SCRN1: variants seen among roughly 807,000 people sequenced by gnomAD.
SCRN1 encodes secernin 1, also known as secernin-1.
SCRN1 carries 19 observed loss-of-function variants against 43.3 expected under a neutral mutation model. That is an observed-to-expected ratio of 0.44 (90% confidence interval 0.31 to 0.64). The LOEUF (loss-of-function observed/expected upper bound fraction) is 0.64. SCRN1 is among the 30% of genes least tolerant of loss of function. The pLI is 0.09. For missense variants in SCRN1, 447 were observed against 524.1 expected (o/e 0.85, Z 1.44); for synonymous variants, 183 against 188.9 (o/e 0.97, Z 0.26).
intron 6 of SCRN1, among the ~76,000 whole-genome samples, chr7:29,927,497 T>C (rs78816914): frequency 0.023 from 3,443 of 151,378 alleles, 54 homozygotes; most frequent in East Asian, 0.069. Context: ...CCTCCCCACA[T>C]CCAGAGGAAA....
chr7:29,938,452 T>G (rs1787416117), intron 5 of SCRN1, among the ~76,000 whole-genome samples: 1 of 152,244 alleles, frequency 6.6e-6, no homozygotes, highest in African/African-American at 2.4e-5. Context: ...GGCCATAAAC[T>G]GGCCCCAAAA....
At chr7:29,969,391 A>G (rs1169368011) in intron 1 of SCRN1, 2 of 353,842 alleles carry the variant, frequency 5.7e-6, no homozygotes, top group Non-Finnish European at 5.3e-6. Context: ...GACACACACC[A>G]CACATACACA....
chr7:29,978,845 C>T (rs1788909724), intron 1 of SCRN1, among the ~76,000 whole-genome samples: 1 of 152,172 alleles, frequency 6.6e-6, no homozygotes, highest in African/African-American at 2.4e-5. Context: ...TTGCAAGATA[C>T]AGTCATAATG....
At chr7:29,978,928 A>G (rs1009169680) in intron 1 of SCRN1, among the ~76,000 whole-genome samples, 1 of 152,276 alleles carries the variant, frequency 6.6e-6, no homozygotes, top group African/African-American at 2.4e-5. Flanking sequence ...CTAGGGAAAT[A>G]TAGAGTTCAA....
intron 3 of SCRN1, among the ~76,000 whole-genome samples, chr7:29,953,134 C>A (rs980308025): frequency 6.6e-6 from 1 of 152,230 alleles, no homozygotes; most frequent in African/African-American, 2.4e-5. Flanking sequence ...GAACATCCCG[C>A]AGTGTTTGCT....
chr7:29,924,389 A>T (rs1786872550), intron 7 of SCRN1, among the ~76,000 whole-genome samples: 1 of 152,088 alleles, frequency 6.6e-6, no homozygotes, highest in Non-Finnish European at 1.5e-5. Context: ...GACATCCAAG[A>T]CCACTTCCCC....
chr7:29,934,652 G>A (rs1234619297), intron 6 of SCRN1, among the ~76,000 whole-genome samples: 1 of 152,158 alleles, frequency 6.6e-6, no homozygotes, highest in Non-Finnish European at 1.5e-5. Context: ...CAAATCTGGT[G>A]GGACAAAAAG....
chr7:29,937,049 AAAAC>A (rs199526270), intron 5 of SCRN1, among the ~76,000 whole-genome samples: 3,293 of 152,306 alleles, frequency 0.022, 50 homozygotes, highest in East Asian at 0.068. Context: ...CTGTCTCAAA[AAAAC>A]AAACAAACAA....
intron 6 of SCRN1, among the ~76,000 whole-genome samples, chr7:29,932,989 G>C (rs1260358891): frequency 6.6e-6 from 1 of 152,002 alleles, no homozygotes; most frequent in Non-Finnish European, 1.5e-5. Context: ...TGATTCTCCT[G>C]CCTCAGCCTC....
At chr7:29,945,884 C>T (rs1198063955) in intron 3 of SCRN1, among the ~76,000 whole-genome samples, 1 of 152,146 alleles carries the variant, frequency 6.6e-6, no homozygotes, top group African/African-American at 2.4e-5. Context: ...GTCTTAGAAC[C>T]TGGGCAATGG....
intron 6 of SCRN1, among the ~76,000 whole-genome samples, chr7:29,933,786 T>C (rs1269573700): frequency 2.0e-5 from 3 of 152,194 alleles, no homozygotes; most frequent in Non-Finnish European, 4.4e-5. Flanking sequence ...ACAAGATCTA[T>C]AATTAATACA....
chr7:29,945,489 T>C (rs960532987), intron 3 of SCRN1, among the ~76,000 whole-genome samples: 9 of 152,254 alleles, frequency 5.9e-5, no homozygotes, highest in African/African-American at 1.7e-4. Context: ...ACTTCAGTTT[T>C]ATGTCATCTA....
intron 3 of SCRN1, among the ~76,000 whole-genome samples, chr7:29,944,515 T>C (rs1236387610): frequency 6.6e-6 from 1 of 151,912 alleles, no homozygotes. Flanking sequence ...TTTTTTTAAT[T>C]AGCCAGGCAT....
intron 1 of SCRN1, among the ~76,000 whole-genome samples, chr7:29,984,625 C>T (rs1789093622): frequency 6.6e-6 from 1 of 151,828 alleles, no homozygotes. Flanking sequence ...ATCTCACTCA[C>T]AATTAGAGAA....
chr7:29,989,959 G>A, upstream of SCRN1: 1 of 1,377,956 alleles, frequency 7.3e-7, no homozygotes. Flanking sequence ...GTAGGGAGGG[G>A]GCCTGGGAGC....
chr7:29,923,674 G>A lies in SCRN1; in HGVS notation c.*283C>T, dbSNP rs546850944. The A allele has an allele frequency of 8.4e-5, 25 of 298,626 alleles. No homozygotes were observed. The South Asian group carries it at 1.4e-3, about 17-fold the overall frequency. The allele number at this position is 298,626 out of a possible 1,614,324, so 18.5% of individuals were successfully genotyped here. ...CTTGTAAAAGGCTAATGTGTCCATT[G>A]CCACTGAAATACAATAATAGCAGCT... On this transcript the variant is annotated 3_prime_UTR_variant, in exon 8 of 8. Coordinates refer to ENST00000242059, the MANE Select transcript of SCRN1 (RefSeq NM_014766.5).
chr7:29,984,782 G>A lies in SCRN1; in HGVS notation c.-2+4860C>T, dbSNP rs950674284. On this transcript the variant is annotated intron_variant, in intron 1 of 7. Transcript: ENST00000242059. ...CTAAAAATACAAAAATTAGCTGGGC[G>A]TGGTGGCAGACGCCTGTAATCCCAG... 3.6e-5 allele frequency among the ~76,000 whole-genome samples: 4 copies of A among 111,480 alleles called. No homozygotes were observed. In the South Asian group the frequency reaches 1.0e-3, roughly 29 times the overall value. The allele number at this position is 111,480 out of a possible 152,430, so 73.1% of individuals were successfully genotyped here.
chr7:29,941,476 T>C (rs1178341096), intron 4 of SCRN1, among the ~76,000 whole-genome samples: 1 of 152,210 alleles, frequency 6.6e-6, no homozygotes, highest in East Asian at 1.9e-4. Context: ...ATAGTGGCAA[T>C]GACAACAAAT....
At position 29,955,277 on chromosome 7, in the gene SCRN1, C is replaced by G; in HGVS notation, c.243G>C (p.Met81Ile). 6.2e-7 allele frequency: 1 copy of G among 1,614,156 alleles called. No homozygotes were observed. The highest frequency in any genetic ancestry group is 8.5e-7 in the Non-Finnish European group (1 of 1,180,024). ...TGCACACTCCATGTTCATTGGCTCC[C>G]ATTTCTGCTCCCCAGAGCCAGGCGG... is the stretch of plus-strand genomic sequence containing the variant. ...SRPAWLWGAE[M>I]GANEHGVCIA... The change falls in exon 3 of 8, where the codon ATG (methionine) becomes ATC (isoleucine). Residue 81 changes from methionine to isoleucine, a missense_variant. By Grantham distance (10) the Met-to-Ile change is conservative. Transcript: ENST00000242059.
Sources: allele counts gnomAD v4.1 joint callset (sites outside exome capture counted in the v4.1 genomes callset), GRCh38; gene constraint gnomAD v4.1.1; transcripts MANE v1.5; gene names NCBI Gene and HGNC (gene_info 2026-07-23, HGNC 2026-07-21).